Variants in KCNK2 observed in about 807,000 individuals in gnomAD.
KCNK2 encodes the protein potassium channel subfamily K member 2.
A neutral mutation model predicts 40.5 loss-of-function variants in KCNK2; 21 were observed. The observed-to-expected ratio is 0.52, with a 90% CI of 0.37 to 0.75. The LOEUF (loss-of-function observed/expected upper bound fraction) is 0.75. Among genes scored for constraint, KCNK2 ranks in the 30% least tolerant of loss-of-function variants. The probability of loss-of-function intolerance (pLI) is 0.00; values close to 1 mark genes in which losing one functional copy is unlikely to be tolerated. For missense variants in KCNK2, 399 were observed against 531.6 expected (o/e 0.75, Z 2.45); for synonymous variants, 191 against 202.2 (o/e 0.94, Z 0.47).
intron 2 of KCNK2, among the ~76,000 whole-genome samples, chr1:215,121,338 A>G (rs1661181538): frequency 6.6e-6 from 1 of 152,084 alleles, no homozygotes; most frequent in Non-Finnish European, 1.5e-5. Context: ...CCCAGGCTGG[A>G]GAGCATGATC....
At chr1:215,225,115 G>T (rs1666335146) in intron 6 of KCNK2, among the ~76,000 whole-genome samples, 1 of 152,072 alleles carries the variant, frequency 6.6e-6, no homozygotes. Context: ...CCAGGACTTG[G>T]CATATAATAG....
Position 215,135,803 on chromosome 1 carries a change from C to T in KCNK2, c.475+11053C>T, listed in dbSNP as rs1003989924. On this transcript the variant is annotated intron_variant, in intron 3 of 6. Coordinates refer to ENST00000444842, the MANE Select transcript of KCNK2 (RefSeq NM_001017425.3). ...AGGCTGGAGCACAGTGGCGTGATCT[C>T]GGCTCACTGCAACCTCCGCCTCCTG... Among the ~76,000 whole-genome samples the T allele has an allele frequency of 1.6e-4, 24 of 152,192 alleles. No individual in the cohort carries two copies. The South Asian group carries it at 3.5e-3, about 22-fold the overall frequency.
At chr1:215,128,356 A>T (rs1185991068) in intron 3 of KCNK2, among the ~76,000 whole-genome samples, 1 of 152,194 alleles carries the variant, frequency 6.6e-6, no homozygotes, top group African/African-American at 2.4e-5. Flanking sequence ...TCATCCTCAG[A>T]ATCATTTTAA....
intron 1 of KCNK2, among the ~76,000 whole-genome samples, chr1:215,074,161 A>G (rs988501256): frequency 1.3e-5 from 2 of 152,164 alleles, no homozygotes; most frequent in Non-Finnish European, 2.9e-5. Flanking sequence ...CACAAAAGAC[A>G]CTTTCTTGTA....
chr1:215,210,003 T>A lies in KCNK2; in HGVS notation c.963+14911T>A, dbSNP rs865952815. Reference sequence around the variant, plus strand: ...TATTATATATAATATATAATATATATTATATATAATATATAATATATATTA... The same window carrying A: ...TATTATATATAATATATAATATATAATATATATAATATATAATATATATTA... On this transcript the variant is annotated intron_variant, in intron 6 of 6. Transcript: ENST00000444842. Among the ~76,000 whole-genome samples the A allele has an allele frequency of 2.9e-4, 20 of 67,912 alleles. No individual in the cohort carries two copies. In the South Asian group the frequency reaches 8.8e-3, roughly 30 times the overall value. 44.6% of individuals were successfully genotyped at this position (67,912 alleles called of 152,430 possible).
At chr1:215,139,541 T>C (rs1041910911) in intron 3 of KCNK2, among the ~76,000 whole-genome samples, 5 of 152,162 alleles carry the variant, frequency 3.3e-5, no homozygotes, top group African/African-American at 1.2e-4. Context: ...CCCAACACTT[T>C]GGGAGGCCAA....
At chr1:215,059,112 T>C (rs1439767026) in intron 1 of KCNK2, among the ~76,000 whole-genome samples, 2 of 146,014 alleles carry the variant, frequency 1.4e-5, no homozygotes, top group Non-Finnish European at 3.0e-5. Context: ...TACACACACA[T>C]ACATATATAT....
intron 2 of KCNK2, among the ~76,000 whole-genome samples, chr1:215,089,193 C>T (rs541253117): frequency 3.3e-5 from 5 of 152,236 alleles, no homozygotes; most frequent in East Asian, 3.9e-4. Flanking sequence ...GTAAGTCTAT[C>T]TATTGGGCAG....
intron 3 of KCNK2, among the ~76,000 whole-genome samples, chr1:215,167,735 T>G (rs2102631877): frequency 6.6e-6 from 1 of 152,256 alleles, no homozygotes; most frequent in Admixed American, 6.6e-5. Flanking sequence ...ACTCTCGAAT[T>G]AAGGCAATAT....
intron 1 of KCNK2, among the ~76,000 whole-genome samples, chr1:215,073,727 T>C (rs760209697): frequency 1.9e-4 from 29 of 152,172 alleles, no homozygotes; most frequent in Non-Finnish European, 7.3e-5. Context: ...GGAAGTTACT[T>C]AACTTCTTTG....
intron 1 of KCNK2, among the ~76,000 whole-genome samples, chr1:215,073,361 C>T (rs1012599833): frequency 1.3e-5 from 2 of 152,130 alleles, no homozygotes; most frequent in Admixed American, 6.5e-5. Context: ...GGAACAAGCA[C>T]TAATAATTCT....
At chr1:215,176,250 G>A (rs981262734) in intron 5 of KCNK2, among the ~76,000 whole-genome samples, 1 of 152,090 alleles carries the variant, frequency 6.6e-6, no homozygotes, top group African/African-American at 2.4e-5. Flanking sequence ...GATTAGTGAT[G>A]TGGGGCATTT....
At chr1:215,099,550 C>T (rs1168294649) in intron 2 of KCNK2, among the ~76,000 whole-genome samples, 2 of 151,670 alleles carry the variant, frequency 1.3e-5, no homozygotes, top group African/African-American at 2.4e-5. Context: ...TGAAAGTTAC[C>T]AGGAGCTTGT....
intron 6 of KCNK2, among the ~76,000 whole-genome samples, chr1:215,221,600 C>A (rs938942009): frequency 6.6e-6 from 1 of 151,942 alleles, no homozygotes; most frequent in Non-Finnish European, 1.5e-5. Flanking sequence ...TCATAACGGC[C>A]TTCATCCTTA....
At chr1:215,223,273 T>C (rs920579374) in intron 6 of KCNK2, among the ~76,000 whole-genome samples, 2 of 125,328 alleles carry the variant, frequency 1.6e-5, no homozygotes, top group African/African-American at 6.1e-5. Flanking sequence ...GTCAAAACTC[T>C]TACAAGTATT....
intron 6 of KCNK2, among the ~76,000 whole-genome samples, chr1:215,225,355 T>C (rs1299632541): frequency 6.6e-6 from 1 of 152,226 alleles, no homozygotes; most frequent in African/African-American, 2.4e-5. Context: ...CTCAAGATTA[T>C]GCTATTAAAA....
chr1:215,047,903 T>G (rs1482185983), intron 1 of KCNK2, among the ~76,000 whole-genome samples: 1 of 152,192 alleles, frequency 6.6e-6, no homozygotes, highest in Non-Finnish European at 1.5e-5. Flanking sequence ...TTTCACACAC[T>G]GTGCAGAGTT....
At chr1:215,157,089 CCCT>C (rs1662965385) in intron 3 of KCNK2, among the ~76,000 whole-genome samples, 1 of 152,136 alleles carries the variant, frequency 6.6e-6, no homozygotes, top group African/African-American at 2.4e-5. Context: ...CCCACAAGGC[CCCT>C]CCTCTGACAC....
At chr1:215,168,212 A>AG (rs1472394900) in intron 3 of KCNK2, among the ~76,000 whole-genome samples, 2 of 150,852 alleles carry the variant, frequency 1.3e-5, no homozygotes, top group East Asian at 2.0e-4. Context: ...GTAAAGAAAC[A>AG]ACAGAGGCTG....
Sources: allele counts gnomAD v4.1 joint callset (sites outside exome capture counted in the v4.1 genomes callset), GRCh38; gene constraint gnomAD v4.1.1; transcripts MANE v1.5; gene names NCBI Gene and HGNC (gene_info 2026-07-23, HGNC 2026-07-21).